The following D2HGDH variants were observed in gnomAD, a reference collection of about 807,000 sequenced individuals.
The protein encoded by D2HGDH is D-2-hydroxyglutarate dehydrogenase, mitochondrial.
Under a neutral mutation model 46.9 loss-of-function variants are expected in D2HGDH, and 31 were observed. The observed-to-expected ratio is 0.66, with a 90% CI of 0.50 to 0.89. The LOEUF (loss-of-function observed/expected upper bound fraction) is 0.89, where lower values mean the gene tolerates loss of function less well. D2HGDH is among the 40% of genes least tolerant of loss of function. D2HGDH has a pLI of 0.00. For synonymous variants in D2HGDH, 364 were observed against 332.6 expected, an observed-to-expected ratio of 1.09 and a Z score of -1.03; for missense variants, 698 against 720.8, an observed-to-expected ratio of 0.97 and a Z score of 0.36.
intron 9 of D2HGDH, among the ~76,000 whole-genome samples, 174 bp downstream of exon 9, chr2:241,756,188 C>A (rs905187466): frequency 3.3e-5 from 5 of 152,242 alleles, no homozygotes; most frequent in Admixed American, 1.3e-4. Context: ...AAATCCTAAT[C>A]GTTGTCATGA....
intron 1 of D2HGDH, chr2:241,734,904 G>C (rs551728463): frequency 3.2e-6 from 1 of 312,242 alleles, no homozygotes; most frequent in Admixed American, 5.0e-5. Flanking sequence ...TCGGAGGAAC[G>C]GGGTCCTGGG....
At chr2:241,740,721 C>T (rs1317041302) in intron 2 of D2HGDH, among the ~76,000 whole-genome samples, 4 of 152,148 alleles carry the variant, frequency 2.6e-5, no homozygotes, top group Non-Finnish European at 4.4e-5. Flanking sequence ...CCGCAGTGGG[C>T]GGATCACGAG....
At chr2:241,764,643 A>G (rs1393906700) in intron 9 of D2HGDH, among the ~76,000 whole-genome samples, 3 of 152,156 alleles carry the variant, frequency 2.0e-5, no homozygotes, top group Non-Finnish European at 4.4e-5. Context: ...GCAGGACCTG[A>G]GTTGGGGGAG....
intron 9 of D2HGDH, among the ~76,000 whole-genome samples, chr2:241,761,119 G>A (rs759753398): frequency 1.3e-5 from 2 of 152,092 alleles, no homozygotes; most frequent in African/African-American, 2.4e-5. Flanking sequence ...CTCCACATCT[G>A]CAGATTCAAC....
intron 6 of D2HGDH, chr2:241,749,796 C>T: frequency 2.7e-6 from 1 of 372,602 alleles, no homozygotes; most frequent in South Asian, 2.1e-5. Flanking sequence ...GCTGGTGACA[C>T]CAGGCGTGCA....
intron 6 of D2HGDH, chr2:241,749,503 A>G: frequency 1.4e-6 from 1 of 716,002 alleles, no homozygotes; most frequent in Non-Finnish European, 1.9e-6. Flanking sequence ...CGGCTTCCCC[A>G]GGGCAGCGGC....
At chr2:241,737,215 C>T (rs1348945411) in intron 2 of D2HGDH, among the ~76,000 whole-genome samples, 1 of 152,030 alleles carries the variant, frequency 6.6e-6, no homozygotes, top group Non-Finnish European at 1.5e-5. Flanking sequence ...CGTGATCCGC[C>T]TGCCTCGGCC....
chr2:241,738,280 C>T (rs1447202990), intron 2 of D2HGDH, among the ~76,000 whole-genome samples: 19 of 152,190 alleles, frequency 1.2e-4, no homozygotes, highest in East Asian at 1.9e-4. Flanking sequence ...TGAGGATGGA[C>T]GCCCACCCTG....
intron 9 of D2HGDH, among the ~76,000 whole-genome samples, chr2:241,756,225 T>C (rs977225628): frequency 6.6e-6 from 1 of 152,242 alleles, no homozygotes; most frequent in African/African-American, 2.4e-5. Context: ...TGGAAAAGAC[T>C]GCCATCGTGC....
intron 2 of D2HGDH, among the ~76,000 whole-genome samples, chr2:241,739,422 G>A (rs1048743908): frequency 2.6e-5 from 4 of 152,358 alleles, no homozygotes; most frequent in Middle Eastern, 3.4e-3. Context: ...CTGAAGTGTC[G>A]GGCCGAGGCC....
chr2:241,762,628 T>C (rs1317083230), intron 9 of D2HGDH, among the ~76,000 whole-genome samples: 2 of 152,188 alleles, frequency 1.3e-5, no homozygotes, highest in Non-Finnish European at 2.9e-5. Context: ...CCCCCTTGTT[T>C]CTTATCGGCT....
chr2:241,755,976 G>T lies in D2HGDH; in HGVS notation c.1268G>T (p.Gly423Val). ...DIVTDLRARL[G>V]PHAKHVVGYG... ...GTGACTGACCTGCGCGCCCGCCTCG[G>T]CCCGCACGCCAAGCACGTGGTGGGC... Residue 423 changes from glycine to valine, a missense_variant, in exon 9 of 10, where the codon GGC becomes GTC. By Grantham distance (109) the Gly-to-Val change is moderately radical. Coordinates refer to ENST00000321264, the MANE Select transcript of D2HGDH (RefSeq NM_152783.5). The T allele has an allele frequency of 6.2e-7, 1 of 1,604,500 alleles. No homozygotes were observed. Among genetic ancestry groups the T allele is most frequent in the East Asian group, 2.2e-5 (1 of 44,548 alleles).
chr2:241,756,040 C>T (rs780274032), intron 9 of D2HGDH, 26 bp downstream of exon 9: 8 of 1,584,152 alleles, frequency 5.1e-6, no homozygotes, highest in Non-Finnish European at 6.9e-6. Context: ...GGGCCGCGGC[C>T]CTGTGTGTGC....
At position 241,742,867 on chromosome 2, in the gene D2HGDH, G is replaced by A. The variant is rs1024670237; in HGVS notation, c.490+293G>A. Among the ~76,000 whole-genome samples the A allele has an allele frequency of 1.3e-5, 2 of 151,052 alleles. No homozygotes were observed. Among genetic ancestry groups the A allele is most frequent in the Non-Finnish European group, 3.0e-5 (2 of 67,764 alleles). ...GGGGATCCTGACCCAGGGTGCCAGG[G>A]CGTGGCAGGCATGAGGGGATCCTGA... On this transcript the variant is annotated intron_variant, in intron 4 of 9. Transcript: ENST00000321264. The surrounding 1 kb of genome is among the most constrained non-coding windows in gnomAD (Gnocchi z 4.8).
At chr2:241,740,795 AT>A (rs1449987237) in intron 2 of D2HGDH, among the ~76,000 whole-genome samples, 2 of 152,176 alleles carry the variant, frequency 1.3e-5, no homozygotes, top group Non-Finnish European at 2.9e-5. Context: ...AAATACAAAA[AT>A]TAGCCAGGTG....
At chr2:241,736,895 G>T (rs1189046903) in intron 2 of D2HGDH, among the ~76,000 whole-genome samples, 1 of 151,572 alleles carries the variant, frequency 6.6e-6, no homozygotes, top group Non-Finnish European at 1.5e-5. Context: ...TCCTGACTTC[G>T]GGTGATCCAC....
chr2:241,749,433 T>C (rs938648881), intron 6 of D2HGDH: 2 of 1,180,182 alleles, frequency 1.7e-6, no homozygotes, highest in Non-Finnish European at 2.2e-6. Flanking sequence ...GCAGCGTCTC[T>C]GGGGCTGCCC....
At chr2:241,749,246 G>A (rs1475078974) in intron 6 of D2HGDH, 22 of 1,213,464 alleles carry the variant, frequency 1.8e-5, no homozygotes, top group Middle Eastern at 2.2e-4. Flanking sequence ...GCCACACCCC[G>A]ACATGGTGCT....
rs1455412155 is a variant in D2HGDH at position 241,743,643 on chromosome 2, G to C, written c.512G>C (p.Gly171Ala). 3 of 1,613,758 alleles carry C rather than the reference G, an allele frequency of 1.9e-6. No individual in the cohort carries two copies. The highest frequency in any genetic ancestry group is 2.5e-6 in the Non-Finnish European group (3 of 1,179,966). ...SVSGILVCQA[G>A]CVLEELSRYV... The stretch of plus-strand genomic sequence containing the variant: ...GCAGGAATTCTGGTTTGCCAGGCGG[G>C]CTGCGTCCTGGAGGAGCTGAGCCGG... Residue 171 changes from glycine to alanine, a missense_variant, in exon 5 of 10, where the codon GGC (glycine) becomes GCC (alanine). Physicochemically the swap from Gly to Ala is moderately conservative, Grantham distance 60. Transcript: ENST00000321264. The surrounding 1 kb of genome is among the most constrained non-coding windows in gnomAD (Gnocchi z 4.8).
Sources: allele counts gnomAD v4.1 joint callset (sites outside exome capture counted in the v4.1 genomes callset), GRCh38; gene constraint gnomAD v4.1.1; non-coding constraint Gnocchi (gnomAD v3.1); transcripts MANE v1.5; gene names NCBI Gene and HGNC (gene_info 2026-07-23, HGNC 2026-07-21).